PCDH9: variants seen among roughly 807,000 people sequenced by gnomAD.
PCDH9 encodes the protein protocadherin 9.
A neutral mutation model predicts 70.6 loss-of-function variants in PCDH9; 24 were observed. The observed-to-expected ratio is 0.34, with a 90% confidence interval of 0.25 to 0.48. The LOEUF is 0.48. Among genes scored for constraint, PCDH9 ranks in the 20% least tolerant of loss-of-function variants. The pLI is 0.99. For synonymous variants in PCDH9, 562 were observed against 558.5 expected, an observed-to-expected ratio of 1.01 and a Z score of -0.09; for missense variants, 1,281 against 1,503.6, an observed-to-expected ratio of 0.85 and a Z score of 2.45.
At chr13:67,104,260 T>C (rs2086490719) in intron 2 of PCDH9, among the ~76,000 whole-genome samples, 2 of 152,156 alleles carry the variant, frequency 1.3e-5, no homozygotes, top group South Asian at 4.1e-4. Flanking sequence ...AGCAGGTCTG[T>C]GCATTGAACC....
At chr13:66,773,609 G>C (rs371218343) in intron 3 of PCDH9, among the ~76,000 whole-genome samples, 1 of 150,320 alleles carries the variant, frequency 6.7e-6, no homozygotes, top group Admixed American at 6.6e-5. Context: ...CAGCCTGGGC[G>C]ACAGAGCCAG....
intron 3 of PCDH9, among the ~76,000 whole-genome samples, chr13:66,820,568 A>G (rs1311631756): frequency 3.3e-5 from 5 of 152,202 alleles, no homozygotes; most frequent in African/African-American, 7.2e-5. Context: ...TTGCAGCACT[A>G]TTCACAATAG....
chr13:66,398,855 C>A (rs1209783787), intron 4 of PCDH9, among the ~76,000 whole-genome samples: 1 of 152,040 alleles, frequency 6.6e-6, no homozygotes, highest in Non-Finnish European at 1.5e-5. Flanking sequence ...TGCACCCAGA[C>A]AAAATAATTT....
intron 4 of PCDH9, among the ~76,000 whole-genome samples, chr13:66,474,581 A>G (rs1426572457): frequency 6.6e-6 from 1 of 152,164 alleles, no homozygotes; most frequent in East Asian, 1.9e-4. Flanking sequence ...GAAATATATC[A>G]TAATACAAAC....
chr13:66,467,463 T>A (rs923941993), intron 4 of PCDH9, among the ~76,000 whole-genome samples: 1 of 152,048 alleles, frequency 6.6e-6, no homozygotes, highest in Non-Finnish European at 1.5e-5. Context: ...TCGACTTCAT[T>A]CTTAGATGTG....
chr13:66,506,317 C>T (rs969459812), intron 4 of PCDH9, among the ~76,000 whole-genome samples: 1 of 152,104 alleles, frequency 6.6e-6, no homozygotes, highest in Non-Finnish European at 1.5e-5. Flanking sequence ...CAATCCTGAA[C>T]GTTTTCTGTG....
intron 3 of PCDH9, among the ~76,000 whole-genome samples, chr13:66,637,983 A>G (rs929907615): frequency 3.9e-5 from 6 of 152,182 alleles, no homozygotes; most frequent in Non-Finnish European, 7.3e-5. Flanking sequence ...GAAGTAAGGT[A>G]AAGTGACTTG....
chr13:66,571,217 A>T (rs1049926901), intron 4 of PCDH9, among the ~76,000 whole-genome samples: 6 of 152,088 alleles, frequency 3.9e-5, no homozygotes, highest in African/African-American at 1.4e-4. Context: ...GCACACTCAC[A>T]TATTATATCA....
chr13:66,772,115 T>C (rs575873039), intron 3 of PCDH9, among the ~76,000 whole-genome samples: 12 of 152,224 alleles, frequency 7.9e-5, no homozygotes, highest in Non-Finnish European at 1.8e-4. Flanking sequence ...AAAAATATTA[T>C]ATCAGCTTCA....
chr13:67,097,512 G>C (rs567871063), intron 2 of PCDH9, among the ~76,000 whole-genome samples: 51 of 152,140 alleles, frequency 3.4e-4, no homozygotes, highest in Non-Finnish European at 6.3e-4. Context: ...TTGTTAAGCT[G>C]TTTACCATTA....
intron 4 of PCDH9, among the ~76,000 whole-genome samples, chr13:66,579,903 A>C (rs2076866780): frequency 6.6e-6 from 1 of 152,090 alleles, no homozygotes; most frequent in Non-Finnish European, 1.5e-5. Flanking sequence ...GAGCACATTA[A>C]GTGAGCTGAT....
intron 3 of PCDH9, among the ~76,000 whole-genome samples, chr13:66,697,887 A>T (rs973769475): frequency 6.6e-6 from 1 of 152,220 alleles, no homozygotes; most frequent in Non-Finnish European, 1.5e-5. Context: ...ATTTCTATCT[A>T]TGGATGAATG....
At chr13:67,214,442 T>C (rs370549491) in intron 2 of PCDH9, 10 of 152,284 alleles carry the variant, frequency 6.6e-5, no homozygotes, top group African/African-American at 2.4e-4. Context: ...TTCTCTCTTA[T>C]ATGTGATTTT....
At chr13:66,324,034 G>A (rs1374153955) in intron 4 of PCDH9, among the ~76,000 whole-genome samples, 1 of 152,044 alleles carries the variant, frequency 6.6e-6, no homozygotes, top group Non-Finnish European at 1.5e-5. Flanking sequence ...CACTTTGTAA[G>A]AGAAGAATTC....
chr13:66,956,364 C>A (rs2083265031), intron 2 of PCDH9, among the ~76,000 whole-genome samples: 1 of 152,108 alleles, frequency 6.6e-6, no homozygotes, highest in South Asian at 2.1e-4. Context: ...AATGACTGAG[C>A]CCCCGACAAT....
At chr13:66,870,943 G>C (rs1020731611) in intron 3 of PCDH9, among the ~76,000 whole-genome samples, 13 of 152,154 alleles carry the variant, frequency 8.5e-5, no homozygotes, top group East Asian at 7.7e-4. Context: ...GCACACTTAT[G>C]TTTACTGCGG....
intron 4 of PCDH9, among the ~76,000 whole-genome samples, chr13:66,439,481 T>G (rs965642806): frequency 6.6e-6 from 1 of 152,278 alleles, no homozygotes; most frequent in Non-Finnish European, 1.5e-5. Flanking sequence ...AGATGATGGA[T>G]ATGTTAATTG....
chr13:66,456,829 A>G (rs566142808), intron 4 of PCDH9, among the ~76,000 whole-genome samples: 7 of 152,072 alleles, frequency 4.6e-5, no homozygotes, highest in Admixed American at 1.3e-4. Context: ...TGGTGATTAG[A>G]CCAAAAAAAA....
intron 2 of PCDH9, among the ~76,000 whole-genome samples, chr13:67,026,453 T>C (rs1042205882): frequency 6.6e-6 from 1 of 152,076 alleles, no homozygotes; most frequent in Non-Finnish European, 1.5e-5. Flanking sequence ...CCACAGCCCA[T>C]ATCATACTGA....
Sources: allele counts gnomAD v4.1 joint callset (sites outside exome capture counted in the v4.1 genomes callset), GRCh38; gene constraint gnomAD v4.1.1; transcripts MANE v1.5; gene names NCBI Gene and HGNC (gene_info 2026-07-23, HGNC 2026-07-21).